The following HLF variants were observed in gnomAD, a reference collection of about 807,000 sequenced individuals.
The protein encoded by HLF is hepatic leukemia factor.
A neutral mutation model predicts 22.6 loss-of-function variants in HLF; 3 were observed. The ratio of observed to expected loss-of-function variants is 0.13; its 90% CI spans 0.06 to 0.34. The LOEUF is 0.34. Among genes scored for constraint, HLF ranks in the 10% least tolerant of loss-of-function variants. HLF has a pLI of 1.00. For missense variants in HLF, 299 were observed against 389.2 expected (o/e 0.77, Z 1.95); for synonymous variants, 151 against 151.8 (o/e 0.99, Z 0.04).
At chr17:55,307,947 A>C (rs1490594042) in intron 2 of HLF, among the ~76,000 whole-genome samples, 1 of 152,100 alleles carries the variant, frequency 6.6e-6, no homozygotes, top group Non-Finnish European at 1.5e-5. Context: ...ACGTAGGAGG[A>C]CTAGGTAGGC....
At chr17:55,302,146 C>T (rs1478316063) in intron 2 of HLF, among the ~76,000 whole-genome samples, 1 of 152,188 alleles carries the variant, frequency 6.6e-6, no homozygotes, top group East Asian at 1.9e-4. Context: ...AGGTGACCTG[C>T]AGGAGAGGCT....
intron 2 of HLF, among the ~76,000 whole-genome samples, chr17:55,268,799 A>G (rs534492489): frequency 1.3e-5 from 2 of 152,164 alleles, no homozygotes; most frequent in African/African-American, 4.8e-5. Flanking sequence ...AAAGCCCACA[A>G]GGCTGCAAGG....
rs1422771761 is a variant in HLF at position 55,267,891 on chromosome 17, A to G, written c.256A>G (p.Met86Val). The G allele has an allele frequency of 1.2e-6, 2 of 1,614,112 alleles. No individual in the cohort carries two copies. Among genetic ancestry groups the G allele is most frequent in the Non-Finnish European group, 1.7e-6 (2 of 1,180,008 alleles). ...CGGAGATACTTTCCAGTTGGAATAC[A>G]TGGACCTGGAGGAGTTTTTGTCAGA... is the stretch of plus-strand genomic sequence containing the variant. The part of the protein sequence containing the change: ...YDGDTFQLEY[M>V]DLEEFLSENG... Residue 86 changes from methionine to valine, a missense_variant, in exon 2 of 4, where the codon ATG becomes GTG. Met to Val is a conservative substitution (Grantham distance 21, BLOSUM62 1). Transcript: ENST00000226067.
At position 55,324,808 on chromosome 17, in the gene HLF, T is replaced by TGTGTGC. The variant is rs142611274; in HGVS notation, c.*3930_*3931insTGTGCG. 0.12 allele frequency: 28,047 copies of TGTGTGC among 231,026 alleles called. 1,465 individuals are homozygous for TGTGTGC. Among genetic ancestry groups the TGTGTGC allele is most frequent in the Non-Finnish European group, 0.16 (18,614 of 116,392 alleles). 14.3% of individuals were successfully genotyped at this position (231,026 alleles called of 1,614,324 possible). On this transcript the variant is annotated 3_prime_UTR_variant, in exon 4 of 4. Transcript: ENST00000226067. ...GTGTAAGAGTGTGTGTGTGTGTGTG[T>TGTGTGC]GCGTGCATGTGTGTGTGTGTGTATG... is the stretch of plus-strand genomic sequence containing the variant.
Position 55,321,492 on chromosome 17 carries a change from A to G in HLF, c.*613A>G, listed in dbSNP as rs904709323. 8.7e-6 allele frequency: 2 copies of G among 230,238 alleles called. No homozygotes were observed. The highest frequency in any genetic ancestry group is 2.2e-5 in the African/African-American group (1 of 45,192). The allele number at this position is 230,238 out of a possible 1,614,324, so 14.3% of individuals were successfully genotyped here. ...GTGCTGTTTAGATTTATTAGATCCC[A>G]TATTTACTTACTGCTATCTACTAAG... On this transcript the variant is annotated 3_prime_UTR_variant, in exon 4 of 4. Coordinates refer to ENST00000226067, the MANE Select transcript of HLF (RefSeq NM_002126.5).
At position 55,320,376 on chromosome 17, in the gene HLF, C is replaced by T. The variant is rs1024919970; in HGVS notation, c.673-288C>T. Among the ~76,000 whole-genome samples, 1 of 152,152 alleles carries T rather than the reference C, an allele frequency of 6.6e-6. No homozygotes were observed. ...AATGTAATTTAAGGGTGAGGTGAGC[C>T]ACCTGCTTTCATCCAGCCTCTGATC... On this transcript the variant is annotated intron_variant, in intron 3 of 3. Transcript: ENST00000226067. This position sits in a 1 kb window ranked among gnomAD's most constrained non-coding sequence, Gnocchi z 4.2.
chr17:55,299,341 G>A (rs796275201), intron 2 of HLF, among the ~76,000 whole-genome samples: 1 of 152,148 alleles, frequency 6.6e-6, no homozygotes, highest in African/African-American at 2.4e-5. Context: ...CTGTGGTGCC[G>A]ATCGTAGGCT....
At chr17:55,310,294 C>G (rs1904771350) in intron 2 of HLF, among the ~76,000 whole-genome samples, 1 of 152,192 alleles carries the variant, frequency 6.6e-6, no homozygotes, top group African/African-American at 2.4e-5. Context: ...ATCTTGTCCA[C>G]TATGGATCTT....
chr17:55,279,066 CTGGGGAAG>C (rs2145311828), intron 2 of HLF, among the ~76,000 whole-genome samples: 1 of 152,212 alleles, frequency 6.6e-6, no homozygotes, highest in East Asian at 1.9e-4. Context: ...GTACACCTTC[CTGGGGAAG>C]TGAGTATCTT....
At chr17:55,300,367 T>C (rs1007060828) in intron 2 of HLF, among the ~76,000 whole-genome samples, 2 of 152,216 alleles carry the variant, frequency 1.3e-5, no homozygotes, top group Admixed American at 1.3e-4. Context: ...ACTTTTTCTT[T>C]GGTTTTCTTG....
intron 2 of HLF, among the ~76,000 whole-genome samples, chr17:55,290,495 T>C (rs2081051343): frequency 6.6e-6 from 1 of 152,200 alleles, no homozygotes; most frequent in Admixed American, 6.5e-5. Context: ...GTTACTATTG[T>C]TATTGTTTGG....
In HLF at chr17:55,315,246, C is replaced by G. The variant is rs745584891; in HGVS notation, c.471C>G (p.Asn157Lys). 3.1e-6 allele frequency: 5 copies of G among 1,614,150 alleles called. No homozygotes were observed. The highest frequency in any genetic ancestry group is 3.4e-6 in the Non-Finnish European group (4 of 1,180,002). ...TTCCAGGTCAGCTGTTGCCAGCAAA[C>G]CGCAATACACCAAGTCCCATTGATC... The part of the protein sequence containing the change: ...PIRPGQLLPA[N>K]RNTPSPIDPD... The change falls in exon 3 of 4, where the codon AAC becomes AAG. Residue 157 changes from asparagine to lysine, a missense_variant. Asn to Lys is a moderately conservative substitution (Grantham distance 94). Transcript: ENST00000226067.
At chr17:55,286,251 A>G (rs781293587) in intron 2 of HLF, among the ~76,000 whole-genome samples, 6 of 152,068 alleles carry the variant, frequency 3.9e-5, no homozygotes, top group Non-Finnish European at 7.4e-5. Context: ...GACCTTTGCC[A>G]TTTGGTTTTC....
chr17:55,309,335 C>T (rs2145362527), intron 2 of HLF, among the ~76,000 whole-genome samples: 1 of 152,296 alleles, frequency 6.6e-6, no homozygotes, highest in East Asian at 1.9e-4. Context: ...ATCGTGAGCA[C>T]TCTTCGTTGA....
intron 2 of HLF, among the ~76,000 whole-genome samples, chr17:55,276,895 T>C (rs1267180864): frequency 2.0e-5 from 3 of 152,248 alleles, no homozygotes; most frequent in Non-Finnish European, 4.4e-5. Flanking sequence ...AGGATTTCCT[T>C]ATTTTTATTA....
At position 55,265,300 on chromosome 17, in the gene HLF, T is replaced by G. The variant is rs1351445687; in HGVS notation, c.-185T>G. 1 of 502,930 alleles carries G rather than the reference T, an allele frequency of 2.0e-6. No homozygotes were observed. The highest frequency in any genetic ancestry group is 2.0e-5 in the African/African-American group (1 of 49,292). The allele number at this position is 502,930 out of a possible 1,614,324, so 31.2% of individuals were successfully genotyped here. ...GCACTGGAAACCCGAAAGTTTTTTT[T>G]TAATATATATTTTTATGCAGATGTA... On this transcript the variant is annotated 5_prime_UTR_variant, in exon 1 of 4. Transcript: ENST00000226067.
intron 2 of HLF, among the ~76,000 whole-genome samples, chr17:55,268,350 T>A (rs886400630): frequency 1.3e-5 from 2 of 152,190 alleles, no homozygotes; most frequent in Non-Finnish European, 2.9e-5. Flanking sequence ...GGCCCAGGAA[T>A]ATGCATTTTA....
In HLF at chr17:55,321,850, C is replaced by G. The variant is rs573543180; in HGVS notation, c.*971C>G. ...GATTAGCCTTTGACATTGATGTGTTCGGTTTTGTTGTTCCCCTTCCCTCAC... is the reference window on the plus strand; with the variant it reads ...GATTAGCCTTTGACATTGATGTGTTGGGTTTTGTTGTTCCCCTTCCCTCAC... On this transcript the variant is annotated 3_prime_UTR_variant, in exon 4 of 4. Coordinates refer to ENST00000226067, the MANE Select transcript of HLF (RefSeq NM_002126.5). The G allele has an allele frequency of 1.3e-5, 3 of 232,152 alleles. No individual in the cohort carries two copies. The highest frequency in any genetic ancestry group is 2.6e-5 in the Non-Finnish European group (3 of 116,868). 14.4% of individuals were successfully genotyped at this position (232,152 alleles called of 1,614,324 possible).
At chr17:55,281,526 CAA>C (rs1032642291) in intron 2 of HLF, among the ~76,000 whole-genome samples, 80 of 152,072 alleles carry the variant, frequency 5.3e-4, no homozygotes, top group African/African-American at 1.8e-3. Flanking sequence ...ACAAAACAAA[CAA>C]AACAAAAAAT....
Sources: allele counts gnomAD v4.1 joint callset (sites outside exome capture counted in the v4.1 genomes callset), GRCh38; gene constraint gnomAD v4.1.1; non-coding constraint Gnocchi (gnomAD v3.1); transcripts MANE v1.5; gene names NCBI Gene and HGNC (gene_info 2026-07-23, HGNC 2026-07-21).